FHAD1: variants seen among roughly 807,000 people sequenced by gnomAD.
FHAD1 encodes the protein forkhead associated phosphopeptide binding domain 1.
In FHAD1, 146 loss-of-function variants were observed where a neutral mutation model predicts 191.3. The observed-to-expected ratio is 0.76, with a 90% CI of 0.67 to 0.88. The LOEUF (loss-of-function observed/expected upper bound fraction) is 0.88. Ranked by LOEUF, FHAD1 falls within the 40% of genes least tolerant of loss-of-function variation. FHAD1 has a pLI of 0.00. For missense variants in FHAD1, 1,635 were observed against 1,785.8 expected (o/e 0.92, Z 1.52); for synonymous variants, 616 against 672.3 (o/e 0.92, Z 1.29).
chr1:15,288,246 T>C (rs1386552862), intron 3 of FHAD1, among the ~76,000 whole-genome samples: 1 of 152,136 alleles, frequency 6.6e-6, no homozygotes, highest in African/African-American at 2.4e-5. Context: ...CTCGGTGCAA[T>C]AAGTGATAGT....
At chr1:15,363,829 AAAG>A (rs1024239535) in intron 23 of FHAD1, 15 of 454,946 alleles carry the variant, frequency 3.3e-5, no homozygotes, top group Admixed American at 2.6e-4. Flanking sequence ...AGCAGCACGT[AAAG>A]AAGGAGGCGC....
intron 26 of FHAD1, 52 bp downstream of exon 26, chr1:15,369,554 A>C: frequency 6.5e-7 from 1 of 1,527,232 alleles, no homozygotes; most frequent in Non-Finnish European, 8.8e-7. Flanking sequence ...GACACAGCCC[A>C]GTGGTGGCTG....
At chr1:15,242,076 T>C (rs1458786887) in intron 1 of FHAD1, among the ~76,000 whole-genome samples, 1 of 151,620 alleles carries the variant, frequency 6.6e-6, no homozygotes, top group African/African-American at 2.4e-5. Flanking sequence ...CTACTAAAAA[T>C]ACAAAAAGTA....
At chr1:15,299,882 A>C (rs558587312) in intron 5 of FHAD1, among the ~76,000 whole-genome samples, 1 of 152,342 alleles carries the variant, frequency 6.6e-6, no homozygotes, top group South Asian at 2.1e-4. Context: ...AAATGTTGCC[A>C]CAAGCACTCA....
intron 33 of FHAD1, among the ~76,000 whole-genome samples, chr1:15,397,020 TAA>T (rs5772637): frequency 1.6e-3 from 186 of 115,910 alleles, no homozygotes; most frequent in African/African-American, 4.0e-3. Context: ...CCGTCTCTAC[TAA>T]AAAAAAAAAA....
At chr1:15,302,462 A>C (rs1669114093) in intron 6 of FHAD1, among the ~76,000 whole-genome samples, 1 of 152,028 alleles carries the variant, frequency 6.6e-6, no homozygotes, top group South Asian at 2.1e-4. Flanking sequence ...GCGGTGGCGC[A>C]CGCCTGTAAT....
chr1:15,319,456 TAA>T (rs1353594374), intron 10 of FHAD1, among the ~76,000 whole-genome samples: 3 of 152,138 alleles, frequency 2.0e-5, no homozygotes, highest in African/African-American at 7.2e-5. Context: ...AATTAAAACT[TAA>T]GAGAAAAATC....
intron 20 of FHAD1, 95 bp from the exon 21 acceptor site, chr1:15,358,015 A>G: frequency 1.2e-6 from 1 of 833,170 alleles, no homozygotes; most frequent in East Asian, 2.9e-5. Context: ...ATTAGAGAAT[A>G]GACTTTACCC....
chr1:15,346,508 C>T (rs1688969950), intron 18 of FHAD1, among the ~76,000 whole-genome samples: 2 of 152,182 alleles, frequency 1.3e-5, no homozygotes, highest in South Asian at 4.1e-4. Context: ...GTTTGTCACC[C>T]ATCACCCATT....
intron 3 of FHAD1, among the ~76,000 whole-genome samples, chr1:15,287,347 G>A (rs1300454840): frequency 6.6e-6 from 1 of 152,172 alleles, no homozygotes; most frequent in East Asian, 1.9e-4. Context: ...GGACATACCA[G>A]AGACTGTGTA....
At chr1:15,248,444 T>C (rs113068848) in intron 1 of FHAD1, among the ~76,000 whole-genome samples, 182 of 152,280 alleles carry the variant, frequency 1.2e-3, no homozygotes, top group Non-Finnish European at 1.6e-3. Flanking sequence ...CCCGGGGTGA[T>C]GCAGGACAGC....
At chr1:15,270,060 A>G (rs1261952240) in intron 2 of FHAD1, among the ~76,000 whole-genome samples, 4 of 151,886 alleles carry the variant, frequency 2.6e-5, no homozygotes, top group Non-Finnish European at 5.9e-5. Flanking sequence ...ACAAGTGTGC[A>G]CCACTACACC....
At chr1:15,306,563 C>T (rs1670556764) in intron 6 of FHAD1, among the ~76,000 whole-genome samples, 2 of 152,340 alleles carry the variant, frequency 1.3e-5, no homozygotes, top group South Asian at 4.1e-4. Flanking sequence ...TTTTGTGGGC[C>T]AGGCCCGGGG....
intron 2 of FHAD1, 40 bp downstream of exon 2, chr1:15,251,917 C>T (rs1204932353): frequency 6.7e-7 from 1 of 1,493,048 alleles, no homozygotes. Flanking sequence ...CCTCCCTGAC[C>T]CCTTCCTTCT....
chr1:15,380,386 C>T (rs768944780), intron 28 of FHAD1, among the ~76,000 whole-genome samples: 1 of 152,168 alleles, frequency 6.6e-6, no homozygotes, highest in Non-Finnish European at 1.5e-5. Flanking sequence ...CCAAACACTG[C>T]CAAATGGCCC....
chr1:15,374,423 G>T, intron 26 of FHAD1, 79 bp from the exon 27 acceptor site: 2 of 1,525,002 alleles, frequency 1.3e-6, no homozygotes, highest in South Asian at 2.4e-5. Flanking sequence ...CTCTATACAT[G>T]AATTGTTCAC....
chr1:15,257,115 T>C (rs17406208), intron 2 of FHAD1, among the ~76,000 whole-genome samples: 107,989 of 152,230 alleles, frequency 0.71, 39,347 homozygotes, highest in East Asian at 0.95. Flanking sequence ...AACAATGCTG[T>C]ACTGAATACC....
intron 24 of FHAD1, among the ~76,000 whole-genome samples, chr1:15,366,230 A>T: frequency 7.1e-6 from 1 of 140,460 alleles, no homozygotes; most frequent in Non-Finnish European, 1.5e-5. Context: ...GGTTGCAGTG[A>T]GCTGAGATCG....
chr1:15,316,248 A>C lies in FHAD1; in HGVS notation c.1171-130A>C. 2.9e-6 allele frequency: 2 copies of C among 685,392 alleles called. No homozygotes were observed. Among genetic ancestry groups the C allele is most frequent in the South Asian group, 3.8e-5 (2 of 52,182 alleles). 42.5% of individuals were successfully genotyped at this position (685,392 alleles called of 1,614,324 possible). On this transcript the variant is annotated intron_variant, in intron 8 of 33. Transcript: ENST00000688493. This position sits in a 1 kb window ranked among gnomAD's most constrained non-coding sequence, Gnocchi z 4.3. ...ACCATGGGATGCCTTTTGGGATCTC[A>C]GTGCGTGACTGGATGGAAACAGCAG...
Sources: gnomAD v4.1 joint callset for allele counts (sites outside exome capture counted in the v4.1 genomes callset) on GRCh38, gnomAD v4.1.1 for gene constraint, Gnocchi (gnomAD v3.1) non-coding constraint, MANE v1.5 for transcripts, NCBI Gene and HGNC (gene_info 2026-07-23, HGNC 2026-07-21) for gene names.